ZCCHC4: variants seen among roughly 807,000 people sequenced by gnomAD.
ZCCHC4 encodes the protein zinc finger CCHC-type containing 4.
ZCCHC4 carries 54 observed loss-of-function variants against 67.7 expected under a neutral mutation model. That is an observed-to-expected ratio of 0.80 (90% CI 0.64 to 1.00). The LOEUF is 1.00. ZCCHC4 is among the 50% of genes least tolerant of loss of function. The pLI is 0.00. For synonymous variants in ZCCHC4, 198 were observed against 213.5 expected, an observed-to-expected ratio of 0.93 and a Z score of 0.63; for missense variants, 609 against 617.0, an observed-to-expected ratio of 0.99 and a Z score of 0.14.
At chr4:25,322,782 T>G in intron 3 of ZCCHC4, among the ~76,000 whole-genome samples, 1 of 152,190 alleles carries the variant, frequency 6.6e-6, no homozygotes, top group Non-Finnish European at 1.5e-5. Flanking sequence ...CCTCCCGAAG[T>G]GCTGGGATTA....
intron 5 of ZCCHC4, among the ~76,000 whole-genome samples, chr4:25,334,842 T>C (rs1377833382): frequency 6.6e-6 from 1 of 152,106 alleles, no homozygotes; most frequent in Non-Finnish European, 1.5e-5. Flanking sequence ...AGACAGATTT[T>C]TTTTTTTTCC....
chr4:25,315,528 T>G, intron 3 of ZCCHC4, 128 bp downstream of exon 3: 1 of 650,624 alleles, frequency 1.5e-6, no homozygotes, highest in Non-Finnish European at 2.3e-6. Flanking sequence ...AATATAAAAT[T>G]TGCCATTTTA....
chr4:25,312,942 T>A lies in ZCCHC4; in HGVS notation c.127+6T>A. ...CGCCCCGCTGTGCCCTCACGGTGGG[T>A]CAGAGTCTGGGCTCAGCCTAACTGC... is the stretch of plus-strand genomic sequence containing the variant. On this transcript the variant is annotated splice_donor_region_variant and intron_variant, in intron 1 of 12. Transcript: ENST00000302874. 1 of 1,611,584 alleles carries A rather than the reference T, an allele frequency of 6.2e-7. No homozygotes were observed. The highest frequency in any genetic ancestry group is 8.5e-7 in the Non-Finnish European group (1 of 1,179,838).
chr4:25,352,852 G>T (rs945319670), intron 8 of ZCCHC4, among the ~76,000 whole-genome samples: 1 of 152,174 alleles, frequency 6.6e-6, no homozygotes, highest in Admixed American at 6.5e-5. Context: ...TTCTAATCCT[G>T]AAGGCATATA....
At chr4:25,358,595 C>T (rs79418298) in intron 8 of ZCCHC4, among the ~76,000 whole-genome samples, 8,189 of 152,272 alleles carry the variant, frequency 0.054, 313 homozygotes, top group South Asian at 0.13. Flanking sequence ...AATAAGTAAA[C>T]TCTTGCTCTT....
intron 5 of ZCCHC4, among the ~76,000 whole-genome samples, chr4:25,337,997 C>T (rs1442470126): frequency 6.6e-6 from 1 of 152,160 alleles, no homozygotes; most frequent in Non-Finnish European, 1.5e-5. Context: ...CCATCCAAAA[C>T]ATTATGGGTT....
chr4:25,330,841 C>T (rs1489029881), intron 3 of ZCCHC4, among the ~76,000 whole-genome samples: 3 of 152,190 alleles, frequency 2.0e-5, no homozygotes, highest in Admixed American at 6.5e-5. Context: ...CCACCTGCTT[C>T]TGGCCAGTGG....
chr4:25,329,120 A>C (rs925296497), intron 3 of ZCCHC4, among the ~76,000 whole-genome samples: 1 of 152,018 alleles, frequency 6.6e-6, no homozygotes, highest in African/African-American at 2.4e-5. Context: ...CTGGGAGGTC[A>C]AGGCTGCAGT....
intron 9 of ZCCHC4, 79 bp from the exon 10 acceptor site, chr4:25,362,147 A>G (rs959991962): frequency 3.4e-6 from 5 of 1,467,108 alleles, no homozygotes; most frequent in Non-Finnish European, 4.7e-6. Flanking sequence ...AGTTTTTGTA[A>G]TGAGTGCTTT....
At chr4:25,313,486 G>A (rs1382101314) in intron 1 of ZCCHC4, among the ~76,000 whole-genome samples, 1 of 152,158 alleles carries the variant, frequency 6.6e-6, no homozygotes, top group African/African-American at 2.4e-5. Context: ...CAACTGTACC[G>A]ACAATAGCAT....
intron 6 of ZCCHC4, among the ~76,000 whole-genome samples, chr4:25,346,239 TA>T (rs34624621): frequency 0.25 from 36,420 of 147,118 alleles, 5,752 homozygotes; most frequent in African/African-American, 0.46. Context: ...AAAAGTTCTT[TA>T]AAAAAAAAAA....
chr4:25,354,786 C>T (rs1720447950), intron 8 of ZCCHC4, among the ~76,000 whole-genome samples: 1 of 152,002 alleles, frequency 6.6e-6, no homozygotes. Context: ...GTGTGAGCCA[C>T]CATGCCTGGC....
rs943431091 is a variant in ZCCHC4, at chr4:25,333,373, C to G, written c.520C>G (p.Leu174Val). ...AAACAAGAAGACAAATGCCCAGTAT[C>G]TGTTTGCTGATCGGAGCTGTCAGTT... is the stretch of plus-strand genomic sequence containing the variant. The part of the protein sequence containing the change: ...LENKKTNAQY[L>V]FADRSCQFLV... The change falls in exon 4 of 13, where the codon CTG (leucine) becomes GTG (valine). Residue 174 changes from leucine to valine, a missense_variant. Transcript: ENST00000302874. 1.2e-6 allele frequency: 2 copies of G among 1,614,146 alleles called. No homozygotes were observed. Among genetic ancestry groups the G allele is most frequent in the African/African-American group, 1.3e-5 (1 of 75,048 alleles).
intron 10 of ZCCHC4, 112 bp downstream of exon 10, chr4:25,362,413 G>T: frequency 1.7e-6 from 1 of 593,640 alleles, no homozygotes; most frequent in Non-Finnish European, 2.6e-6. Flanking sequence ...GTATTAATAT[G>T]TATTATCATT....
chr4:25,342,915 G>A (rs544680172), intron 5 of ZCCHC4, among the ~76,000 whole-genome samples: 1 of 152,256 alleles, frequency 6.6e-6, no homozygotes, highest in Admixed American at 6.5e-5. Context: ...CAGGTGTGCT[G>A]TGCTGAGTTT....
intron 8 of ZCCHC4, among the ~76,000 whole-genome samples, chr4:25,352,925 A>T (rs1177703510): frequency 6.6e-6 from 1 of 152,094 alleles, no homozygotes; most frequent in Non-Finnish European, 1.5e-5. Context: ...AGAGTAAAAG[A>T]CTCTACTTGT....
At chr4:25,361,698 C>A in intron 8 of ZCCHC4, 161 bp from the exon 9 acceptor site, 1 of 661,560 alleles carries the variant, frequency 1.5e-6, no homozygotes, top group Non-Finnish European at 2.5e-6. Flanking sequence ...ACTGGTCCAC[C>A]CACTCCCCTC....
rs189519676 is a variant in ZCCHC4, at chr4:25,318,039, A to G, written c.329+2639A>G. 3.2e-3 allele frequency among the ~76,000 whole-genome samples: 483 copies of G among 152,324 alleles called. 14 individuals are homozygous for G. Among genetic ancestry groups the G allele is most frequent in the Non-Finnish European group, 5.7e-4 (39 of 68,034 alleles). ...TTATCATAGTGATTATTGAGAGAAA[A>G]TAGAGTATTGAAGACGGAGAAAGTA... On this transcript the variant is annotated intron_variant, in intron 3 of 12. Transcript: ENST00000302874.
In ZCCHC4 at chr4:25,333,346, G is replaced by A; in HGVS notation, c.493G>A (p.Glu165Lys). 2 of 1,614,094 alleles carry A rather than the reference G, an allele frequency of 1.2e-6. No individual in the cohort carries two copies. Among genetic ancestry groups the A allele is most frequent in the Non-Finnish European group, 1.7e-6 (2 of 1,180,022 alleles). ...GCCCAGTCAACTCCTTTATCCACTG[G>A]AAAACAAGAAGACAAATGCCCAGTA... ...RRPSQLLYPL[E>K]NKKTNAQYLF... The change falls in exon 4 of 13, where the codon GAA becomes AAA. Residue 165 changes from glutamate to lysine, a missense_variant. Physicochemically the swap from Glu to Lys is moderately conservative, Grantham distance 56 (BLOSUM62 1). Coordinates refer to ENST00000302874, the MANE Select transcript of ZCCHC4 (RefSeq NM_024936.3).
Sources: gnomAD v4.1 joint callset for allele counts (sites outside exome capture counted in the v4.1 genomes callset) on GRCh38, gnomAD v4.1.1 for gene constraint, MANE v1.5 for transcripts, NCBI Gene and HGNC (gene_info 2026-07-23, HGNC 2026-07-21) for gene names.